The following EIF2S3B variants were observed in gnomAD, a reference collection of about 807,000 sequenced individuals.
EIF2S3B encodes the protein eukaryotic translation initiation factor 2 subunit gamma B, also known as eukaryotic translation initiation factor 2 subunit 3B.
EIF2S3B carries 16 observed loss-of-function variants against 26.4 expected under a neutral mutation model. That is an observed-to-expected ratio of 0.61 (90% CI 0.41 to 0.92). The LOEUF (loss-of-function observed/expected upper bound fraction) is 0.92. Ranked by LOEUF, EIF2S3B falls within the 40% of genes least tolerant of loss-of-function variation. The pLI is 0.00. For missense variants in EIF2S3B, 510 were observed against 575.5 expected, an observed-to-expected ratio of 0.89 and a Z score of 1.16; for synonymous variants, 183 against 204.4, an observed-to-expected ratio of 0.90 and a Z score of 0.89.
At chr12:10,512,827 G>T (rs950965719), downstream of EIF2S3B, among the ~76,000 whole-genome samples, 1 of 151,974 alleles carries the variant, frequency 6.6e-6, no homozygotes, top group African/African-American at 2.4e-5. Flanking sequence ...AGCCACTCTT[G>T]CTTCCCAGAT....
chr12:10,521,118 A>G (rs2137957986), intron 1 of EIF2S3B, among the ~76,000 whole-genome samples: 1 of 152,286 alleles, frequency 6.6e-6, no homozygotes, highest in East Asian at 1.9e-4. Flanking sequence ...TAGTGCCTGT[A>G]TTAGTCCCAA....
rs1336169857 is a variant in EIF2S3B at position 10,506,765 on chromosome 12, T to C, written c.863T>C (p.Leu288Ser). The C allele has an allele frequency of 6.2e-7, 1 of 1,613,968 alleles. No homozygotes were observed. The highest frequency in any genetic ancestry group is 1.7e-5 in the Admixed American group (1 of 60,022). Reference protein sequence around the residue: ...VAGGSILKGVLKVGQETEVRP... With the variant: ...VAGGSILKGVSKVGQETEVRP... ...GGTGGTAGTATCCTAAAAGGAGTAT[T>C]AAAGGTGGGCCAGGAGACAGAAGTA... is the stretch of plus-strand genomic sequence containing the variant. Residue 288 changes from leucine (L) to serine (S), a missense_variant, in exon 1 of 1, where the codon TTA becomes TCA. Coordinates refer to ENST00000538173, the MANE Select transcript of EIF2S3B (RefSeq NM_001357734.3).
At chr12:10,508,749 G>A (rs769220616), downstream of EIF2S3B, among the ~76,000 whole-genome samples, 1 of 151,750 alleles carries the variant, frequency 6.6e-6, no homozygotes, top group Non-Finnish European at 1.5e-5. Context: ...TTTTGTTAGT[G>A]TAGGGCAAAT....
At chr12:10,509,368 C>T (rs1330014182), downstream of EIF2S3B, among the ~76,000 whole-genome samples, 1 of 151,886 alleles carries the variant, frequency 6.6e-6, no homozygotes, top group African/African-American at 2.4e-5. Flanking sequence ...AACAATCTTA[C>T]CTTTCTTCTG....
Position 10,506,021 on chromosome 12 carries a change from C to T in EIF2S3B, c.119C>T (p.Ala40Val), listed in dbSNP as rs768125021. The T allele has an allele frequency of 5.6e-6, 9 of 1,605,638 alleles. No individual in the cohort carries two copies. Among genetic ancestry groups the T allele is most frequent in the Middle Eastern group, 1.6e-4 (1 of 6,072 alleles). Residue 40 changes from alanine to valine, a missense_variant, in exon 1 of 1, where the codon GCC becomes GTC. By Grantham distance (64) the Ala-to-Val change is moderately conservative (BLOSUM62 0). Transcript: ENST00000538173. ...PLSHEVISRQATINIGTIGHV... is the reference protein window; with the variant it reads ...PLSHEVISRQVTINIGTIGHV... ...TCACACGAAGTTATCAGCAGACAAG[C>T]CACAATTAATATAGGTACAATTGGT... is the stretch of plus-strand genomic sequence containing the variant.
chr12:10,507,309 A>G lies in EIF2S3B; in HGVS notation c.1407A>G (p.Val469=). The part of the protein sequence containing the change: ...IRRGVTIKPT[V]DDD ...GAGGAGTGACAATCAAGCCAACAGTAGATGATGACTGAAGAATACCGGTTA... is the reference window on the plus strand; with the variant it reads ...GAGGAGTGACAATCAAGCCAACAGTGGATGATGACTGAAGAATACCGGTTA... Residue 469 remains valine (V), a synonymous_variant, in exon 1 of 1, where the codon GTA becomes GTG. Coordinates refer to ENST00000538173, the MANE Select transcript of EIF2S3B (RefSeq NM_001357734.3). 1 of 1,613,188 alleles carries G rather than the reference A, an allele frequency of 6.2e-7. No homozygotes were observed. Among genetic ancestry groups the G allele is most frequent in the East Asian group, 2.2e-5 (1 of 44,880 alleles).
intron 1 of EIF2S3B, among the ~76,000 whole-genome samples, chr12:10,519,297 G>A (rs1441920324): frequency 6.6e-6 from 1 of 151,986 alleles, no homozygotes; most frequent in Admixed American, 6.6e-5. Context: ...GGGAAAACTG[G>A]CTAGCCATAT....
chr12:10,518,488 G>A (rs902930129), intron 1 of EIF2S3B, among the ~76,000 whole-genome samples: 1 of 151,970 alleles, frequency 6.6e-6, no homozygotes, highest in African/African-American at 2.4e-5. Flanking sequence ...TTGAGCCTAT[G>A]TGTGTCTCTG....
At chr12:10,520,779 T>G (rs1864823571) in intron 1 of EIF2S3B, among the ~76,000 whole-genome samples, 1 of 152,170 alleles carries the variant, frequency 6.6e-6, no homozygotes, top group South Asian at 2.1e-4. Context: ...TCGAACAGCA[T>G]AATTCTTCAG....
intron 1 of EIF2S3B, among the ~76,000 whole-genome samples, chr12:10,521,675 G>C (rs59466049): frequency 9.9e-5 from 15 of 151,892 alleles, no homozygotes. Flanking sequence ...GTTAACTAAG[G>C]GTGTAAGGAA....
At chr12:10,521,102 A>T (rs776242342) in intron 1 of EIF2S3B, among the ~76,000 whole-genome samples, 6 of 152,162 alleles carry the variant, frequency 3.9e-5, no homozygotes, top group Non-Finnish European at 8.8e-5. Flanking sequence ...ATTGCATGTG[A>T]ACATTTAGTG....
rs145946536 is a variant in EIF2S3B at position 10,508,380 on chromosome 12, C to T, written c.*1059C>T. On this transcript the variant is annotated 3_prime_UTR_variant, in exon 1 of 1. Transcript: ENST00000538173. ...TCCTCCATTGGAAAATACTGTTATA[C>T]CAAATAATTCTAGATGAGTAACAAA... 9.1e-4 allele frequency among the ~76,000 whole-genome samples: 138 copies of T among 151,990 alleles called. 1 individual carries two copies. The highest frequency in any genetic ancestry group is 3.3e-3 in the African/African-American group (136 of 41,454).
Position 10,507,167 on chromosome 12 carries a change from C to A in EIF2S3B, c.1265C>A (p.Ala422Asp). ...STGGRVSAVK[A>D]DLGKIVLTNP... ...GGAGGGAGAGTTAGTGCTGTCAAGG[C>A]CGATTTGGGCAAAATTGTTTTGACC... Residue 422 changes from alanine (A) to aspartate (D), a missense_variant, in exon 1 of 1, where the codon GCC (alanine) becomes GAC (aspartate). Physicochemically the swap from Ala to Asp is moderately radical, Grantham distance 126. Transcript: ENST00000538173. The A allele has an allele frequency of 6.2e-7, 1 of 1,613,810 alleles. No individual in the cohort carries two copies.
intron 1 of EIF2S3B, among the ~76,000 whole-genome samples, chr12:10,520,642 C>T (rs1463106031): frequency 2.0e-5 from 3 of 151,888 alleles, no homozygotes; most frequent in African/African-American, 7.3e-5. Flanking sequence ...AACAGTTTAC[C>T]TTTACTTTTG....
intron 1 of EIF2S3B, among the ~76,000 whole-genome samples, chr12:10,517,682 A>G (rs1341919401): frequency 1.3e-5 from 2 of 151,722 alleles, no homozygotes; most frequent in Non-Finnish European, 2.9e-5. Context: ...TTGCTTTTCT[A>G]GTTCTTTTAA....
rs1486335014 is a variant in EIF2S3B at position 10,507,125 on chromosome 12, T to C, written c.1223T>C (p.Ile408Thr). 1.2e-6 allele frequency: 2 copies of C among 1,613,628 alleles called. No homozygotes were observed. Among genetic ancestry groups the C allele is most frequent in the African/African-American group, 1.3e-5 (1 of 74,894 alleles). ...AAGAATGAAGTGCTCATGGTGAACA[T>C]AGGATCCCTGTCGACAGGAGGGAGA... ...LSKNEVLMVN[I>T]GSLSTGGRVS... The change falls in exon 1 of 1, where the codon ATA becomes ACA. Residue 408 changes from isoleucine (I) to threonine (T), a missense_variant. Physicochemically the swap from Ile to Thr is moderately conservative, Grantham distance 89 (BLOSUM62 -1). Coordinates refer to ENST00000538173, the MANE Select transcript of EIF2S3B (RefSeq NM_001357734.3).
At chr12:10,513,078 C>T (rs1420718027), downstream of EIF2S3B, among the ~76,000 whole-genome samples, 1 of 152,204 alleles carries the variant, frequency 6.6e-6, no homozygotes, top group East Asian at 1.9e-4. Context: ...CGTCCTCCTA[C>T]CTCATTCAAA....
intron 1 of EIF2S3B, among the ~76,000 whole-genome samples, chr12:10,522,340 A>T (rs760643109): frequency 3.3e-5 from 5 of 152,190 alleles, no homozygotes; most frequent in Non-Finnish European, 7.3e-5. Flanking sequence ...GTCTCTAAAA[A>T]ATATTTAAAT....
chr12:10,513,566 G>A (rs562198125), intron 1 of EIF2S3B, among the ~76,000 whole-genome samples: 2 of 152,300 alleles, frequency 1.3e-5, no homozygotes, highest in East Asian at 1.9e-4. Context: ...CAGCACTGCT[G>A]TAAATATTCC....
Sources: gnomAD v4.1 joint callset for allele counts (sites outside exome capture counted in the v4.1 genomes callset) on GRCh38, gnomAD v4.1.1 for gene constraint, MANE v1.5 for transcripts, NCBI Gene and HGNC (gene_info 2026-07-23, HGNC 2026-07-21) for gene names.